PCDHGA1: variants seen among roughly 807,000 people sequenced by gnomAD.
PCDHGA1 encodes the protein protocadherin gamma-A1.
Under a neutral mutation model 58.0 loss-of-function variants are expected in PCDHGA1, and 32 were observed. The observed-to-expected ratio is 0.55, with a 90% CI of 0.42 to 0.74. The LOEUF (loss-of-function observed/expected upper bound fraction) is 0.74. Among genes scored for constraint, PCDHGA1 ranks in the 30% least tolerant of loss-of-function variants. The probability of loss-of-function intolerance (pLI) is 0.00; values close to 1 mark genes in which losing one functional copy is unlikely to be tolerated. For synonymous variants in PCDHGA1, 498 were observed against 501.1 expected, an observed-to-expected ratio of 0.99 and a Z score of 0.08; for missense variants, 1,205 against 1,182.3, an observed-to-expected ratio of 1.02 and a Z score of -0.28.
At chr5:141,400,000 G>A (rs765622041) in intron 1 of PCDHGA1, 1 of 1,612,388 alleles carries the variant, frequency 6.2e-7, no homozygotes, top group Non-Finnish European at 8.5e-7. Context: ...GGTGCGCACA[G>A]CGCGTGCCTT....
intron 1 of PCDHGA1, chr5:141,340,191 C>A (rs1756915100): frequency 6.2e-7 from 1 of 1,614,024 alleles, no homozygotes; most frequent in Non-Finnish European, 8.5e-7. Flanking sequence ...CTGGTTACAA[C>A]CAGAGCCCTT....
chr5:141,395,657 T>C (rs1400217115), intron 1 of PCDHGA1: 1 of 162,996 alleles, frequency 6.1e-6, no homozygotes, highest in African/African-American at 2.4e-5. Context: ...TTAGCAAAAG[T>C]AAAATATATC....
rs755327184 is a variant in PCDHGA1, at chr5:141,332,924, G to A, written c.2240G>A (p.Arg747Gln). The change falls in exon 1 of 4, where the codon CGG (arginine) becomes CAG (glutamine). Residue 747 changes from arginine to glutamine, a missense_variant. Physicochemically the swap from Arg to Gln is conservative, Grantham distance 43 (BLOSUM62 1). Transcript: ENST00000517417. This position sits in a 1 kb window ranked among gnomAD's most constrained non-coding sequence, Gnocchi z 4.6. ...CACTTTGTGGGCGTGGACGGGGTTCGGGCTTTCCTGCAGACCTATTCCCAC... is the reference window on the plus strand; with the variant it reads ...CACTTTGTGGGCGTGGACGGGGTTCAGGCTTTCCTGCAGACCTATTCCCAC... Reference protein sequence around the residue: ...GSHFVGVDGVRAFLQTYSHEV... With the variant: ...GSHFVGVDGVQAFLQTYSHEV... 1.3e-5 allele frequency: 21 copies of A among 1,614,194 alleles called. No homozygotes were observed. In the South Asian group the frequency reaches 2.2e-4, roughly 17 times the overall value.
chr5:141,349,704 A>G (rs903001595), intron 1 of PCDHGA1, among the ~76,000 whole-genome samples: 4 of 152,170 alleles, frequency 2.6e-5, no homozygotes, highest in Admixed American at 6.5e-5. Flanking sequence ...ATTTTAGTCA[A>G]CTAAAAATAT....
intron 1 of PCDHGA1, chr5:141,350,198 G>C: frequency 7.0e-7 from 1 of 1,421,620 alleles, no homozygotes; most frequent in African/African-American, 1.4e-5. Flanking sequence ...AGAAGTCCAG[G>C]GTGCTGCCAT....
In PCDHGA1 at chr5:141,394,672, G is replaced by A. The variant is rs1407775660; in HGVS notation, c.2421+61567G>A. 4 of 1,612,088 alleles carry A rather than the reference G, an allele frequency of 2.5e-6. No individual in the cohort carries two copies. In the African/African-American group the frequency reaches 5.4e-5, roughly 22 times the overall value. On this transcript the variant is annotated intron_variant, in intron 1 of 3. Transcript: ENST00000517417. Reference sequence around the variant, plus strand: ...AGCGAGCCGGGACTCTTCTCGGTGGGTCTGCACACGGGCGAGGTGCGCACG... The same window carrying A: ...AGCGAGCCGGGACTCTTCTCGGTGGATCTGCACACGGGCGAGGTGCGCACG...
At chr5:141,405,442 C>A in intron 1 of PCDHGA1, 1 of 1,378,146 alleles carries the variant, frequency 7.3e-7, no homozygotes, top group Non-Finnish European at 1.0e-6. Context: ...GTTTTTGAGA[C>A]AGAGTCTTAC....
intron 1 of PCDHGA1, chr5:141,418,573 C>T (rs749104686): frequency 6.2e-7 from 1 of 1,613,944 alleles, no homozygotes; most frequent in Non-Finnish European, 8.5e-7. Flanking sequence ...CCAATGACAA[C>T]CCCCCAGTGT....
chr5:141,413,045 G>A, intron 1 of PCDHGA1: 1 of 894,362 alleles, frequency 1.1e-6, no homozygotes, highest in South Asian at 1.9e-5. Flanking sequence ...CTGGGCTGCA[G>A]GGAAGCTCAC....
At chr5:141,389,180 CA>C (rs2091638521) in intron 1 of PCDHGA1, 6 of 1,614,034 alleles carry the variant, frequency 3.7e-6, no homozygotes, top group Non-Finnish European at 5.1e-6. Context: ...CCCTCTCCTC[CA>C]GTTCCAGCAT....
At chr5:141,468,194 G>A (rs959390749) in intron 1 of PCDHGA1, among the ~76,000 whole-genome samples, 21 of 151,716 alleles carry the variant, frequency 1.4e-4, no homozygotes, top group South Asian at 2.1e-4. Flanking sequence ...GCATGGTGGC[G>A]GGTGCCTGTA....
intron 1 of PCDHGA1, chr5:141,409,594 C>G: frequency 1.2e-6 from 2 of 1,613,900 alleles, no homozygotes; most frequent in Non-Finnish European, 1.7e-6. Flanking sequence ...TGGCCGAGAA[C>G]AACCCGCCAG....
At chr5:141,386,929 A>G (rs1329848875) in intron 1 of PCDHGA1, among the ~76,000 whole-genome samples, 1 of 152,216 alleles carries the variant, frequency 6.6e-6, no homozygotes, top group Non-Finnish European at 1.5e-5. Context: ...AAATAAGTGC[A>G]GAGGTAGGAA....
Position 141,420,177 on chromosome 5 carries a change from A to G in PCDHGA1, c.2422-74630A>G, listed in dbSNP as rs1188698450. The G allele has an allele frequency of 2.5e-6, 4 of 1,613,992 alleles. No homozygotes were observed. Among genetic ancestry groups the G allele is most frequent in the South Asian group, 2.2e-5 (2 of 91,086 alleles). ...TTTAATTTTTTCACATCTGTTGATC[A>G]TTGTCCAGCCACACAAGATAACCTC... On this transcript the variant is annotated intron_variant, in intron 1 of 3. Coordinates refer to ENST00000517417, the MANE Select transcript of PCDHGA1 (RefSeq NM_018912.3).
At position 141,332,949 on chromosome 5, in the gene PCDHGA1, C is replaced by G. The variant is rs757931663; in HGVS notation, c.2265C>G (p.His755Gln). The change falls in exon 1 of 4, where the codon CAC becomes CAG. Residue 755 changes from histidine to glutamine, a missense_variant. His to Gln is a conservative substitution (Grantham distance 24). Coordinates refer to ENST00000517417, the MANE Select transcript of PCDHGA1 (RefSeq NM_018912.3). This position sits in a 1 kb window ranked among gnomAD's most constrained non-coding sequence, Gnocchi z 4.6. ...GGGCTTTCCTGCAGACCTATTCCCA[C>G]GAGGTCTCCCTCACTGCGGACTCGC... The part of the protein sequence containing the change: ...GVRAFLQTYS[H>Q]EVSLTADSRK... 1.9e-6 allele frequency: 3 copies of G among 1,614,204 alleles called. No individual in the cohort carries two copies. The highest frequency in any genetic ancestry group is 1.7e-5 in the Admixed American group (1 of 60,026).
Position 141,486,390 on chromosome 5 carries a change from C to T in PCDHGA1, c.2422-8417C>T. 6.2e-7 allele frequency: 1 copy of T among 1,614,138 alleles called. No homozygotes were observed. The highest frequency in any genetic ancestry group is 1.1e-5 in the South Asian group (1 of 91,084). On this transcript the variant is annotated intron_variant, in intron 1 of 3. Coordinates refer to ENST00000517417, the MANE Select transcript of PCDHGA1 (RefSeq NM_018912.3). This position sits in a 1 kb window ranked among gnomAD's most constrained non-coding sequence, Gnocchi z 5.0. ...AAGTCTGCCTTCAGGAACCAGTTCTCCCTGGTGACTGCTGGACCCTTGGAT... is the reference window on the plus strand; with the variant it reads ...AAGTCTGCCTTCAGGAACCAGTTCTTCCTGGTGACTGCTGGACCCTTGGAT...
intron 1 of PCDHGA1, chr5:141,351,090 C>G: frequency 6.2e-7 from 1 of 1,614,036 alleles, no homozygotes; most frequent in Non-Finnish European, 8.5e-7. Context: ...ATCACCTATG[C>G]CTTCCTCAAT....
At position 141,423,043 on chromosome 5, in the gene PCDHGA1, T is replaced by C. The variant is rs940921497; in HGVS notation, c.2422-71764T>C. 10 of 1,614,058 alleles carry C rather than the reference T, an allele frequency of 6.2e-6. No homozygotes were observed. The Admixed American group carries it at 1.5e-4, about 24-fold the overall frequency. ...AGATTCAGGCCAGAACGCCTGGCTG[T>C]CCTATCGCCTGCTTAAGGCCAGCGA... is the stretch of plus-strand genomic sequence containing the variant. On this transcript the variant is annotated intron_variant, in intron 1 of 3. Transcript: ENST00000517417.
At chr5:141,353,116 T>C (rs1355584798) in intron 1 of PCDHGA1, among the ~76,000 whole-genome samples, 13 of 152,218 alleles carry the variant, frequency 8.5e-5, no homozygotes, top group Non-Finnish European at 7.3e-5. Context: ...TGGAGATTGC[T>C]TTCTTGATTG....
Sources: allele counts gnomAD v4.1 joint callset (sites outside exome capture counted in the v4.1 genomes callset), GRCh38; gene constraint gnomAD v4.1.1; non-coding constraint Gnocchi (gnomAD v3.1); transcripts MANE v1.5; gene names NCBI Gene and HGNC (gene_info 2026-07-23, HGNC 2026-07-21).